NKAIN3: variants seen among roughly 807,000 people sequenced by gnomAD.
NKAIN3 encodes the protein sodium/potassium transporting ATPase interacting 3, also known as sodium/potassium-transporting ATPase subunit beta-1-interacting protein 3.
A neutral mutation model predicts 30.2 loss-of-function variants in NKAIN3; 25 were observed. The observed-to-expected ratio is 0.83, with a 90% CI of 0.60 to 1.16. The LOEUF (loss-of-function observed/expected upper bound fraction) is 1.16. NKAIN3 is among the 50% of genes most tolerant of loss of function. The pLI is 0.00. For synonymous variants in NKAIN3, 91 were observed against 89.6 expected (o/e 1.02, Z -0.09); for missense variants, 225 against 254.1 (o/e 0.89, Z 0.78).
At chr8:62,916,758 C>G (rs1822116219) in intron 4 of NKAIN3, among the ~76,000 whole-genome samples, 2 of 152,308 alleles carry the variant, frequency 1.3e-5, no homozygotes, top group South Asian at 2.1e-4. Flanking sequence ...ACTTCTCTCA[C>G]TGTTCCTCTG....
rs116996805 is a variant in NKAIN3, at chr8:62,864,588, G to A, written c.472-53865G>A. 7.3e-3 allele frequency among the ~76,000 whole-genome samples: 1,108 copies of A among 152,256 alleles called. 11 individuals carry two copies. Among genetic ancestry groups the A allele is most frequent in the Non-Finnish European group, 0.013 (866 of 68,028 alleles). ...CAAATGTATGGCATAAAATTCCCGAGTCACAGTTTCCAGAGTTTTCCACCT... is the reference window on the plus strand; with the variant it reads ...CAAATGTATGGCATAAAATTCCCGAATCACAGTTTCCAGAGTTTTCCACCT... On this transcript the variant is annotated intron_variant, in intron 4 of 6. Transcript: ENST00000623646.
rs186527734 is a variant in NKAIN3, at chr8:62,617,944, G to A, written c.273+28150G>A. On this transcript the variant is annotated intron_variant, in intron 3 of 6. Coordinates refer to ENST00000623646, the MANE Select transcript of NKAIN3 (RefSeq NM_001304533.3). ...TGACACCAGAACTACATAATACAAA[G>A]TGATAGGAAGACTTAGCATAGTAAT... Among the ~76,000 whole-genome samples the A allele has an allele frequency of 2.6e-3, 395 of 152,320 alleles. 3 individuals are homozygous for A. The highest frequency in any genetic ancestry group is 8.6e-3 in the African/African-American group (359 of 41,578).
At chr8:62,598,287 A>G (rs907389602) in intron 3 of NKAIN3, among the ~76,000 whole-genome samples, 3 of 151,982 alleles carry the variant, frequency 2.0e-5, no homozygotes, top group Non-Finnish European at 4.4e-5. Flanking sequence ...GAAACAAGGT[A>G]GTCTTCTGTG....
At chr8:62,465,724 A>G (rs182482553) in intron 1 of NKAIN3, among the ~76,000 whole-genome samples, 18 of 152,326 alleles carry the variant, frequency 1.2e-4, no homozygotes, top group African/African-American at 4.1e-4. Flanking sequence ...TAATTCAAAT[A>G]TAAGAGATAC....
At chr8:62,863,254 T>A in intron 4 of NKAIN3, 1 of 1,560,492 alleles carries the variant, frequency 6.4e-7, no homozygotes. Context: ...TTTCTTTTTG[T>A]TTTTAGATAT....
At chr8:62,851,172 A>G (rs1357307416) in intron 4 of NKAIN3, among the ~76,000 whole-genome samples, 1 of 152,056 alleles carries the variant, frequency 6.6e-6, no homozygotes, top group African/African-American at 2.4e-5. Flanking sequence ...GGTCCTTCAC[A>G]TCCCTTGTAA....
chr8:62,932,763 G>A (rs761597136), intron 5 of NKAIN3, among the ~76,000 whole-genome samples: 18 of 152,010 alleles, frequency 1.2e-4, no homozygotes, highest in Non-Finnish European at 2.4e-4. Context: ...TTTAGAGACA[G>A]GGTCTCTCTC....
intron 1 of NKAIN3, among the ~76,000 whole-genome samples, chr8:62,341,657 C>G (rs919768413): frequency 4.1e-4 from 62 of 151,912 alleles, no homozygotes; most frequent in African/African-American, 1.4e-3. Flanking sequence ...AGAGTCAAAC[C>G]TGATGTCTTT....
intron 1 of NKAIN3, among the ~76,000 whole-genome samples, chr8:62,528,350 T>TTATATAATATAACATATA (rs56144773): frequency 7.3e-6 from 1 of 137,394 alleles, no homozygotes; most frequent in Non-Finnish European, 1.5e-5. Flanking sequence ...AATATATATA[T>TTATATAATATAACATATA]ATATGACTTT....
Position 62,870,257 on chromosome 8 carries a change from T to TAGATCTATATATAGATATCTATAA in NKAIN3, c.472-48195_472-48194insGATCTATATATAGATATCTATAAA, listed in dbSNP as rs1563603973. The stretch of plus-strand genomic sequence containing the variant: ...ATAGATATCTATAGATATCTATATA[T>TAGATCTATATATAGATATCTATAA]ATATCTATATATAGATATATATAAA... On this transcript the variant is annotated intron_variant, in intron 4 of 6. Coordinates refer to ENST00000623646, the MANE Select transcript of NKAIN3 (RefSeq NM_001304533.3). 1.0e-3 allele frequency among the ~76,000 whole-genome samples: 87 copies of TAGATCTATATATAGATATCTATAA among 84,992 alleles called. 6 individuals carry two copies. The highest frequency in any genetic ancestry group is 7.9e-3 in the Middle Eastern group (1 of 126). 55.8% of individuals were successfully genotyped at this position (84,992 alleles called of 152,430 possible). A position where few individuals can be genotyped will look rare whatever the true frequency, so the allele number is the denominator to read the frequency against.
intron 3 of NKAIN3, among the ~76,000 whole-genome samples, chr8:62,710,385 A>C (rs141771993): frequency 3.2e-4 from 49 of 152,236 alleles, no homozygotes; most frequent in Non-Finnish European, 5.9e-4. Context: ...TAATTGTTTT[A>C]CAAATTTGGG....
At chr8:62,995,674 A>G (rs1484259692) in intron 5 of NKAIN3, among the ~76,000 whole-genome samples, 1 of 145,286 alleles carries the variant, frequency 6.9e-6, no homozygotes, top group Non-Finnish European at 1.5e-5. Flanking sequence ...GAAGGAAAAA[A>G]GGCTAGATGA....
intron 6 of NKAIN3, among the ~76,000 whole-genome samples, chr8:62,959,312 C>T (rs1329974893): frequency 1.3e-5 from 2 of 152,110 alleles, no homozygotes; most frequent in African/African-American, 4.8e-5. Flanking sequence ...GAGGTGGTCA[C>T]GTCTCTCTGC....
intron 5 of NKAIN3, among the ~76,000 whole-genome samples, chr8:62,930,574 C>T (rs1411307947): frequency 6.6e-6 from 1 of 151,896 alleles, no homozygotes; most frequent in Non-Finnish European, 1.5e-5. Context: ...CTTTTTATCT[C>T]TGTGCATTTG....
At chr8:62,446,345 T>G (rs1015255314) in intron 1 of NKAIN3, among the ~76,000 whole-genome samples, 2 of 151,972 alleles carry the variant, frequency 1.3e-5, no homozygotes, top group East Asian at 1.9e-4. Context: ...ATATGGCTGG[T>G]TTTTTTTAGT....
At chr8:62,573,477 A>C (rs1015800501) in intron 1 of NKAIN3, among the ~76,000 whole-genome samples, 3 of 152,038 alleles carry the variant, frequency 2.0e-5, no homozygotes, top group Non-Finnish European at 4.4e-5. Context: ...CGTTATGTAT[A>C]TGATTTGGTT....
At chr8:62,444,752 A>C (rs1430019726) in intron 1 of NKAIN3, among the ~76,000 whole-genome samples, 6 of 152,264 alleles carry the variant, frequency 3.9e-5, no homozygotes, top group South Asian at 2.1e-4. Flanking sequence ...ATCATGTGAT[A>C]GTTCTATTTT....
At chr8:62,707,841 G>T (rs960217943) in intron 3 of NKAIN3, among the ~76,000 whole-genome samples, 2 of 152,102 alleles carry the variant, frequency 1.3e-5, no homozygotes, top group Non-Finnish European at 2.9e-5. Flanking sequence ...TTATCTCCTA[G>T]AATTTTTATA....
chr8:62,579,815 A>G (rs1563467860), intron 2 of NKAIN3, 139 bp downstream of exon 2: 2 of 449,650 alleles, frequency 4.4e-6, no homozygotes, highest in South Asian at 8.6e-5. Flanking sequence ...AATTTTGTTA[A>G]GAAGTGATTA....
Sources: allele counts gnomAD v4.1 joint callset (sites outside exome capture counted in the v4.1 genomes callset), GRCh38; gene constraint gnomAD v4.1.1; transcripts MANE v1.5; gene names NCBI Gene and HGNC (gene_info 2026-07-23, HGNC 2026-07-21).